The following DENND1B variants were observed in gnomAD, a reference collection of about 807,000 sequenced individuals.
DENND1B encodes DENN domain containing 1B, also known as DENN domain-containing protein 1B.
In DENND1B, 59 loss-of-function variants were observed where a neutral mutation model predicts 90.1. The observed-to-expected ratio is 0.65, with a 90% confidence interval of 0.53 to 0.81. The LOEUF is 0.81. DENND1B is among the 40% of genes least tolerant of loss of function. The pLI is 0.00. For missense variants in DENND1B, 862 were observed against 912.6 expected (o/e 0.94, Z 0.71); for synonymous variants, 337 against 324.6 (o/e 1.04, Z -0.41).
chr1:197,558,741 T>C (rs147663007), intron 15 of DENND1B, among the ~76,000 whole-genome samples: 1 of 152,060 alleles, frequency 6.6e-6, no homozygotes, highest in East Asian at 1.9e-4. Flanking sequence ...CTCTTCTTTT[T>C]GATATTGATG....
At chr1:197,617,264 G>A (rs537249132) in intron 11 of DENND1B, among the ~76,000 whole-genome samples, 1 of 151,098 alleles carries the variant, frequency 6.6e-6, no homozygotes, top group Admixed American at 6.6e-5. Flanking sequence ...GGTAACAAGA[G>A]TATGCCCTGA....
chr1:197,665,274 T>A lies in DENND1B; in HGVS notation c.296+6763A>T, dbSNP rs77609425. 5.3e-3 allele frequency among the ~76,000 whole-genome samples: 805 copies of A among 152,288 alleles called. 9 individuals carry two copies. Among genetic ancestry groups the A allele is most frequent in the African/African-American group, 0.018 (748 of 41,590 alleles). On this transcript the variant is annotated intron_variant, in intron 5 of 22. Coordinates refer to ENST00000620048, the MANE Select transcript of DENND1B (RefSeq NM_001195215.2). Reference sequence around the variant, plus strand: ...ATCCAGGAGAAAATGGACACGTGGTTTATATAGCATAGCATGCAATTTTCT... The same window carrying A: ...ATCCAGGAGAAAATGGACACGTGGTATATATAGCATAGCATGCAATTTTCT...
chr1:197,733,346 G>C (rs16841912), intron 2 of DENND1B, among the ~76,000 whole-genome samples: 27,049 of 152,074 alleles, frequency 0.18, 2,745 homozygotes, highest in Middle Eastern at 0.32. Context: ...TGCTTAACCT[G>C]TTTTTATAAA....
At chr1:197,590,873 C>T (rs1026670680) in intron 14 of DENND1B, among the ~76,000 whole-genome samples, 1 of 152,120 alleles carries the variant, frequency 6.6e-6, no homozygotes, top group African/African-American at 2.4e-5. Context: ...CCTGTCTCCC[C>T]GCCTCTGGTC....
At chr1:197,664,203 T>C (rs984608643) in intron 5 of DENND1B, among the ~76,000 whole-genome samples, 3 of 152,086 alleles carry the variant, frequency 2.0e-5, no homozygotes, top group Admixed American at 1.3e-4. Context: ...TGTTTTTCAC[T>C]AAATTTTACA....
At chr1:197,764,765 T>C (rs1655498291) in intron 2 of DENND1B, among the ~76,000 whole-genome samples, 1 of 152,192 alleles carries the variant, frequency 6.6e-6, no homozygotes, top group Non-Finnish European at 1.5e-5. Context: ...AATGTTTCCC[T>C]GAAGGCTATC....
At chr1:197,526,338 T>C (rs1280935198) in intron 20 of DENND1B, among the ~76,000 whole-genome samples, 3 of 152,098 alleles carry the variant, frequency 2.0e-5, no homozygotes, top group Non-Finnish European at 4.4e-5. Context: ...CTAAGATTCT[T>C]GGAAAACAAT....
intron 20 of DENND1B, among the ~76,000 whole-genome samples, chr1:197,535,205 C>T (rs1669787632): frequency 6.6e-6 from 1 of 152,166 alleles, no homozygotes; most frequent in South Asian, 2.1e-4. Context: ...TGACCTTAAA[C>T]TTATCAAACC....
In DENND1B at chr1:197,738,707, C is replaced by G. The variant is rs545374940; in HGVS notation, c.83-23633G>C. ...ACTTTTACATCCATAAACAGGACAT[C>G]TGCTTCCAGCCAAGAGAAAGTACAA... On this transcript the variant is annotated intron_variant, in intron 2 of 22. Coordinates refer to ENST00000620048, the MANE Select transcript of DENND1B (RefSeq NM_001195215.2). Among the ~76,000 whole-genome samples the G allele has an allele frequency of 2.1e-4, 32 of 152,354 alleles. 1 individual carries two copies. In the South Asian group the frequency reaches 6.4e-3, roughly 31 times the overall value.
chr1:197,546,301 A>G (rs778243653), intron 17 of DENND1B, among the ~76,000 whole-genome samples: 1 of 152,212 alleles, frequency 6.6e-6, no homozygotes, highest in Non-Finnish European at 1.5e-5. Flanking sequence ...AAGCTTAATA[A>G]GAAAGAAATA....
intron 8 of DENND1B, 59 bp from the exon 9 acceptor site, chr1:197,645,802 T>G: frequency 8.4e-7 from 1 of 1,188,080 alleles, no homozygotes; most frequent in African/African-American, 1.6e-5. Flanking sequence ...AACATATAAT[T>G]TGTAATGAAA....
intron 15 of DENND1B, among the ~76,000 whole-genome samples, chr1:197,576,099 A>T (rs1033399857): frequency 1.3e-5 from 2 of 151,414 alleles, no homozygotes; most frequent in African/African-American, 2.5e-5. Flanking sequence ...AAAACAGAAA[A>T]AGAAAAAGAA....
At chr1:197,600,370 T>A (rs1051268381) in intron 13 of DENND1B, among the ~76,000 whole-genome samples, 1 of 151,774 alleles carries the variant, frequency 6.6e-6, no homozygotes. Flanking sequence ...ACTTGCTGTA[T>A]CCGTATGGCT....
intron 15 of DENND1B, among the ~76,000 whole-genome samples, chr1:197,575,249 A>T (rs968975191): frequency 7.2e-5 from 11 of 152,146 alleles, no homozygotes; most frequent in African/African-American, 2.4e-4. Flanking sequence ...ACAAGAAAAA[A>T]AAAAACCATT....
At chr1:197,642,875 A>G in intron 9 of DENND1B, 54 bp from the exon 10 acceptor site, 1 of 1,257,708 alleles carries the variant, frequency 8.0e-7, no homozygotes, top group Non-Finnish European at 1.1e-6. Flanking sequence ...AATGTGAAGA[A>G]AAACATTTTA....
chr1:197,762,900 A>T (rs1405360312), intron 2 of DENND1B, among the ~76,000 whole-genome samples: 1 of 151,964 alleles, frequency 6.6e-6, no homozygotes, highest in East Asian at 1.9e-4. Context: ...TGTAAGGCTG[A>T]ATAATATTCC....
At chr1:197,627,540 G>T (rs1678882737) in intron 10 of DENND1B, among the ~76,000 whole-genome samples, 1 of 151,978 alleles carries the variant, frequency 6.6e-6, no homozygotes, top group African/African-American at 2.4e-5. Flanking sequence ...AAAATAATAA[G>T]AGCTATCTAT....
At chr1:197,672,773 G>A (rs1178363106) in intron 4 of DENND1B, among the ~76,000 whole-genome samples, 1 of 152,022 alleles carries the variant, frequency 6.6e-6, no homozygotes, top group Non-Finnish European at 1.5e-5. Context: ...AGGCTTATCA[G>A]CTAAGCTGTA....
chr1:197,612,012 A>G (rs755498134), intron 11 of DENND1B, 36 bp from the exon 12 acceptor site: 6 of 1,515,874 alleles, frequency 4.0e-6, no homozygotes, highest in Non-Finnish European at 4.5e-6. Context: ...AGATTCATAT[A>G]GTTCATTAAA....
Sources: allele counts gnomAD v4.1 joint callset (sites outside exome capture counted in the v4.1 genomes callset), GRCh38; gene constraint gnomAD v4.1.1; transcripts MANE v1.5; gene names NCBI Gene and HGNC (gene_info 2026-07-23, HGNC 2026-07-21).